DCLK2: variants seen among roughly 807,000 people sequenced by gnomAD.
DCLK2 encodes serine/threonine-protein kinase DCLK2.
In DCLK2, 31 loss-of-function variants were observed where a neutral mutation model predicts 78.4. The observed-to-expected ratio is 0.40, with a 90% CI of 0.30 to 0.53. The LOEUF (loss-of-function observed/expected upper bound fraction) is 0.53. Ranked by LOEUF, DCLK2 falls within the 20% of genes least tolerant of loss-of-function variation. DCLK2 has a pLI of 0.61. For synonymous variants in DCLK2, 407 were observed against 374.9 expected, an observed-to-expected ratio of 1.09 and a Z score of -0.99; for missense variants, 872 against 973.7, an observed-to-expected ratio of 0.90 and a Z score of 1.39.
At chr4:150,091,767 T>TTG (rs777556852) in intron 1 of DCLK2, among the ~76,000 whole-genome samples, 3,663 of 133,704 alleles carry the variant, frequency 0.027, 136 homozygotes, top group African/African-American at 0.086. Flanking sequence ...AAAGGAACAT[T>TTG]TATGTGTGTG....
At chr4:150,235,757 T>C (rs1742451676) in intron 10 of DCLK2, among the ~76,000 whole-genome samples, 4 of 152,166 alleles carry the variant, frequency 2.6e-5, no homozygotes, top group African/African-American at 9.7e-5. Flanking sequence ...TAAAAGTAAA[T>C]ACCCAGAGTG....
chr4:150,234,063 A>G (rs1742285976), intron 10 of DCLK2, among the ~76,000 whole-genome samples: 1 of 152,100 alleles, frequency 6.6e-6, no homozygotes, highest in African/African-American at 2.4e-5. Context: ...CCAAACACAG[A>G]TTCCTCCATC....
chr4:150,199,129 T>C, intron 4 of DCLK2: 1 of 1,516,392 alleles, frequency 6.6e-7, no homozygotes, highest in South Asian at 1.2e-5. Flanking sequence ...TTTGTTTTTG[T>C]TTTTTGCCAC....
At chr4:150,108,753 T>TA (rs1237887568) in intron 2 of DCLK2, among the ~76,000 whole-genome samples, 4 of 151,424 alleles carry the variant, frequency 2.6e-5, no homozygotes, top group East Asian at 1.9e-4. Context: ...TCCACATGTG[T>TA]AAAAAAAAAT....
intron 2 of DCLK2, among the ~76,000 whole-genome samples, chr4:150,123,545 A>G (rs961479839): frequency 6.6e-6 from 1 of 152,226 alleles, no homozygotes; most frequent in Admixed American, 6.5e-5. Flanking sequence ...AGTCTGAAAT[A>G]TTGTGAAAAT....
intron 2 of DCLK2, among the ~76,000 whole-genome samples, chr4:150,110,207 GT>G (rs761156266): frequency 5.9e-5 from 9 of 152,124 alleles, no homozygotes; most frequent in Non-Finnish European, 1.0e-4. Context: ...AAACTCTCTT[GT>G]TTCCTCAATT....
intron 2 of DCLK2, among the ~76,000 whole-genome samples, chr4:150,129,768 T>C (rs187683293): frequency 6.6e-5 from 10 of 151,738 alleles, no homozygotes; most frequent in Non-Finnish European, 1.2e-4. Context: ...TAAAATATTA[T>C]ATTAAAATGA....
In DCLK2 at chr4:150,257,028, CTGGGCTT is replaced by C. The variant is rs1369830001; in HGVS notation, c.*783_*789del. 1.3e-5 allele frequency: 2 copies of C among 152,278 alleles called. No individual in the cohort carries two copies. The highest frequency in any genetic ancestry group is 2.9e-5 in the Non-Finnish European group (2 of 68,068). 9.4% of individuals were successfully genotyped at this position (152,278 alleles called of 1,614,324 possible). A position where few individuals can be genotyped will look rare whatever the true frequency, so the allele number is the denominator to read the frequency against. On this transcript the variant is annotated 3_prime_UTR_variant, in exon 16 of 16. Coordinates refer to ENST00000296550, the MANE Select transcript of DCLK2 (RefSeq NM_001040260.4). Reference sequence around the variant, plus strand: ...TAGGAAATGCCCGTGAACTTGCCCTCTGGGCTTTTTAATGAGAGGCTTGGCGCATGCG... The same window carrying C: ...TAGGAAATGCCCGTGAACTTGCCCTCTTTAATGAGAGGCTTGGCGCATGCG...
At chr4:150,222,836 A>C (rs929836375) in intron 7 of DCLK2, among the ~76,000 whole-genome samples, 9 of 152,130 alleles carry the variant, frequency 5.9e-5, no homozygotes, top group Admixed American at 1.3e-4. Flanking sequence ...ATTGCACTTC[A>C]GCCTGGGCAA....
rs183546915 is a variant in DCLK2, at chr4:150,195,332, T to G, written c.859+2092T>G. 1.4e-3 allele frequency among the ~76,000 whole-genome samples: 18 copies of G among 12,504 alleles called. 7 individuals are homozygous for G. The highest frequency in any genetic ancestry group is 4.3e-3 in the African/African-American group (15 of 3,482). The allele number at this position is 12,504 out of a possible 152,430, so 8.2% of individuals were successfully genotyped here. A position where few individuals can be genotyped will look rare whatever the true frequency, so the allele number is the denominator to read the frequency against. Reference sequence around the variant, plus strand: ...ATATTATATATTATATTATATATTATATATATTATATAATATTATATATTA... The same window carrying G: ...ATATTATATATTATATTATATATTAGATATATTATATAATATTATATATTA... On this transcript the variant is annotated intron_variant, in intron 3 of 15. Coordinates refer to ENST00000296550, the MANE Select transcript of DCLK2 (RefSeq NM_001040260.4).
intron 2 of DCLK2, among the ~76,000 whole-genome samples, chr4:150,138,749 C>G (rs1733881356): frequency 6.6e-6 from 1 of 152,118 alleles, no homozygotes; most frequent in South Asian, 2.1e-4. Context: ...TCACTGCAAC[C>G]TCTGCCTCCT....
At chr4:150,248,088 C>T (rs1178491035) in intron 13 of DCLK2, among the ~76,000 whole-genome samples, 1 of 152,152 alleles carries the variant, frequency 6.6e-6, no homozygotes, top group Non-Finnish European at 1.5e-5. Context: ...TAGGTGAAAA[C>T]ATCTTAGTTT....
chr4:150,092,272 G>T (rs1186087010), intron 1 of DCLK2, among the ~76,000 whole-genome samples: 5 of 152,108 alleles, frequency 3.3e-5, no homozygotes, highest in Admixed American at 3.3e-4. Context: ...ATGAGCATCA[G>T]AGTGCCAGTA....
chr4:150,241,359 G>T (rs1742915036), intron 12 of DCLK2, among the ~76,000 whole-genome samples: 1 of 152,170 alleles, frequency 6.6e-6, no homozygotes, highest in Non-Finnish European at 1.5e-5. Flanking sequence ...TTTGTGCAGG[G>T]AATGAGTGAG....
intron 15 of DCLK2, chr4:150,253,678 G>A (rs1449670307): frequency 1.6e-6 from 2 of 1,225,846 alleles, no homozygotes; most frequent in Non-Finnish European, 2.1e-6. Context: ...TGGGTCTTTT[G>A]TACCTACTCA....
chr4:150,123,799 C>T lies in DCLK2; in HGVS notation c.756+20987C>T, dbSNP rs141644240. Among the ~76,000 whole-genome samples, 402 of 152,096 alleles carry T rather than the reference C, an allele frequency of 2.6e-3. 1 individual carries two copies. Among genetic ancestry groups the T allele is most frequent in the Non-Finnish European group, 3.7e-3 (254 of 67,978 alleles). On this transcript the variant is annotated intron_variant, in intron 2 of 15. Transcript: ENST00000296550. ...GCTCATGCCTGTAATCCCAGCACTT[C>T]GGGAGGCCAGGGCGGGAAGAGTGCT...
chr4:150,156,096 G>A lies in DCLK2; in HGVS notation c.757-37042G>A, dbSNP rs190084947. On this transcript the variant is annotated intron_variant, in intron 2 of 15. Transcript: ENST00000296550. ...AAGCGGTCGTTGTAAGGTGAGAACT[G>A]AGACCCACCCGTTGGACTTGACCTA... Among the ~76,000 whole-genome samples the A allele has an allele frequency of 1.5e-3, 228 of 152,250 alleles. 1 individual carries two copies. Among genetic ancestry groups the A allele is most frequent in the African/African-American group, 5.1e-3 (213 of 41,554 alleles).
chr4:150,186,805 A>T (rs1737970888), intron 2 of DCLK2, among the ~76,000 whole-genome samples: 1 of 152,052 alleles, frequency 6.6e-6, no homozygotes, highest in African/African-American at 2.4e-5. Context: ...GAGTGAGAGG[A>T]TCACCTGAGC....
intron 11 of DCLK2, 88 bp from the exon 12 acceptor site, chr4:150,240,311 T>C (rs1284502758): frequency 2.8e-6 from 3 of 1,082,174 alleles, no homozygotes; most frequent in Non-Finnish European, 4.2e-6. Flanking sequence ...ATAATCCTTT[T>C]CCTAACAAAT....
Sources: allele counts gnomAD v4.1 joint callset (sites outside exome capture counted in the v4.1 genomes callset), GRCh38; gene constraint gnomAD v4.1.1; transcripts MANE v1.5; gene names NCBI Gene and HGNC (gene_info 2026-07-23, HGNC 2026-07-21).